NPLOC4: variants seen among roughly 807,000 people sequenced by gnomAD.
The protein encoded by NPLOC4 is NPL4 homolog, ubiquitin recognition factor.
NPLOC4 carries 18 observed loss-of-function variants against 80.6 expected under a neutral mutation model. The ratio of observed to expected loss-of-function variants is 0.22; its 90% CI spans 0.15 to 0.33. The LOEUF (loss-of-function observed/expected upper bound fraction) is 0.33, where lower values mean the gene tolerates loss of function less well. Among genes scored for constraint, NPLOC4 ranks in the 10% least tolerant of loss-of-function variants. The pLI is 1.00. For missense variants in NPLOC4, 540 were observed against 786.1 expected (o/e 0.69, Z 3.74); for synonymous variants, 313 against 301.5 (o/e 1.04, Z -0.39).
intron 12 of NPLOC4, among the ~76,000 whole-genome samples, chr17:81,575,361 A>G (rs949684162): frequency 3.3e-5 from 5 of 152,192 alleles, no homozygotes; most frequent in Admixed American, 1.3e-4. Context: ...TTGGCCTCCC[A>G]AAGTGCTGGG....
intron 1 of NPLOC4, among the ~76,000 whole-genome samples, chr17:81,633,140 A>AG (rs1357043115): frequency 2.0e-5 from 3 of 150,998 alleles, no homozygotes; most frequent in African/African-American, 4.9e-5. Context: ...AAAAAAAAAA[A>AG]AAAAGAAAAG....
intron 3 of NPLOC4, among the ~76,000 whole-genome samples, chr17:81,615,444 TCTAA>T (rs1229892758): frequency 1.3e-5 from 2 of 152,002 alleles, no homozygotes; most frequent in East Asian, 3.8e-4. Flanking sequence ...CTAAACACCA[TCTAA>T]CTACTAATAT....
chr17:81,591,822 A>G (rs1278480542), intron 11 of NPLOC4, among the ~76,000 whole-genome samples: 3 of 152,242 alleles, frequency 2.0e-5, no homozygotes, highest in Non-Finnish European at 2.9e-5. Flanking sequence ...AGTGACAGCA[A>G]AACTTCAGCT....
At chr17:81,585,170 C>CAG (rs2034542179) in intron 12 of NPLOC4, among the ~76,000 whole-genome samples, 2 of 40,884 alleles carry the variant, frequency 4.9e-5, no homozygotes, top group African/African-American at 2.6e-4. Flanking sequence ...ACTCTGTCGC[C>CAG]AAAAAAAAAA....
At chr17:81,570,908 C>G (rs1261178777) in intron 13 of NPLOC4, among the ~76,000 whole-genome samples, 1 of 152,060 alleles carries the variant, frequency 6.6e-6, no homozygotes, top group Non-Finnish European at 1.5e-5. Context: ...TGAAAAACTG[C>G]ACTAAGGCAA....
rs1470112409 is a variant in NPLOC4, at chr17:81,637,036, A to T, written c.-106T>A. Reference sequence around the variant, plus strand: ...CCTCAGCCCCGGCCCCGGCCTCCCTACGCCGCCGCCACCGCCGCTCCAGCT... The same window carrying T: ...CCTCAGCCCCGGCCCCGGCCTCCCTTCGCCGCCGCCACCGCCGCTCCAGCT... On this transcript the variant is annotated 5_prime_UTR_variant, in exon 1 of 17. Transcript: ENST00000331134. The T allele has an allele frequency of 2.8e-5, 18 of 643,504 alleles. No homozygotes were observed. The highest frequency in any genetic ancestry group is 3.8e-5 in the Non-Finnish European group (18 of 468,250). The allele number at this position is 643,504 out of a possible 1,614,324, so 39.9% of individuals were successfully genotyped here.
intron 7 of NPLOC4, among the ~76,000 whole-genome samples, chr17:81,606,182 C>T (rs1040082583): frequency 1.3e-5 from 2 of 152,010 alleles, no homozygotes; most frequent in Admixed American, 6.6e-5. Flanking sequence ...CCAAAAAAGT[C>T]GAGGAGGCCA....
At chr17:81,608,673 T>C (rs1305376173) in intron 6 of NPLOC4, 55 bp downstream of exon 6, 1 of 1,328,052 alleles carries the variant, frequency 7.5e-7, no homozygotes. Flanking sequence ...AAGCAACAAC[T>C]GCCAGCTACA....
intron 2 of NPLOC4, among the ~76,000 whole-genome samples, chr17:81,623,396 T>TA (rs1048249014): frequency 1.6e-5 from 2 of 126,878 alleles, no homozygotes; most frequent in Admixed American, 2.0e-4. Flanking sequence ...GCCTGGGAGG[T>TA]AGAGGCTGCA....
At chr17:81,595,490 AG>A (rs2034880847) in intron 11 of NPLOC4, among the ~76,000 whole-genome samples, 2 of 144,464 alleles carry the variant, frequency 1.4e-5, no homozygotes, top group South Asian at 4.3e-4. Flanking sequence ...TCTGTCGCCC[AG>A]GGGAACATCC....
intron 8 of NPLOC4, among the ~76,000 whole-genome samples, chr17:81,600,981 G>A (rs2035044105): frequency 6.6e-6 from 1 of 152,164 alleles, no homozygotes; most frequent in Non-Finnish European, 1.5e-5. Context: ...CCAACCCTAA[G>A]GAAGGGAAAA....
chr17:81,603,226 G>A lies in NPLOC4; in HGVS notation c.834+1322C>T, dbSNP rs76149409. Reference sequence around the variant, plus strand: ...GGGGCTACCTATAAAGGAAAGCAGGGTAAAAGGAAATGAATATACCTTGTT... The same window carrying A: ...GGGGCTACCTATAAAGGAAAGCAGGATAAAAGGAAATGAATATACCTTGTT... On this transcript the variant is annotated intron_variant, in intron 8 of 16. Coordinates refer to ENST00000331134, the MANE Select transcript of NPLOC4 (RefSeq NM_017921.4). Among the ~76,000 whole-genome samples, 788 of 152,202 alleles carry A rather than the reference G, an allele frequency of 5.2e-3. 25 individuals carry two copies. The East Asian group carries it at 0.064, about 12-fold the overall frequency.
chr17:81,558,971 T>C lies in NPLOC4; in HGVS notation c.*288A>G, dbSNP rs1598608443. 1 of 330,828 alleles carries C rather than the reference T, an allele frequency of 3.0e-6. No homozygotes were observed. The highest frequency in any genetic ancestry group is 7.6e-5 in the South Asian group (1 of 13,128). The allele number at this position is 330,828 out of a possible 1,614,324, so 20.5% of individuals were successfully genotyped here. A position where few individuals can be genotyped will look rare whatever the true frequency, so the allele number is the denominator to read the frequency against. On this transcript the variant is annotated 3_prime_UTR_variant, in exon 17 of 17. Transcript: ENST00000331134. ...CCAGGTGCCACGTAGAGGCGAGAGG[T>C]CTTTCCAACACGGCGGGGGACTTGT...
chr17:81,569,456 G>C (rs1257595103), intron 13 of NPLOC4, among the ~76,000 whole-genome samples: 2 of 152,364 alleles, frequency 1.3e-5, no homozygotes, highest in African/African-American at 4.8e-5. Context: ...GGAACGAAAG[G>C]CTGGTTTGGC....
chr17:81,586,200 C>T (rs932169119), intron 12 of NPLOC4, among the ~76,000 whole-genome samples: 1 of 152,112 alleles, frequency 6.6e-6, no homozygotes, highest in Admixed American at 6.6e-5. Flanking sequence ...AAGCCCCTTC[C>T]CTCCCCTCCT....
At chr17:81,617,622 A>T (rs1406181354) in intron 3 of NPLOC4, among the ~76,000 whole-genome samples, 1 of 152,026 alleles carries the variant, frequency 6.6e-6, no homozygotes, top group Non-Finnish European at 1.5e-5. Flanking sequence ...ATCCTGGCTA[A>T]CACGGTGAGA....
At chr17:81,636,001 C>A (rs137978577) in intron 1 of NPLOC4, among the ~76,000 whole-genome samples, 33 of 148,680 alleles carry the variant, frequency 2.2e-4, no homozygotes, top group Non-Finnish European at 3.7e-4. Flanking sequence ...GAGACGCAGT[C>A]TCGCTCTATA....
rs776491205 is a variant in NPLOC4, at chr17:81,604,735, G to A, written c.655-8C>T. ...GTCCACATGCCTGTACTTCTGTAGAGTTAACAAGAGTGGGCTGATGAAAAC... is the reference window on the plus strand; with the variant it reads ...GTCCACATGCCTGTACTTCTGTAGAATTAACAAGAGTGGGCTGATGAAAAC... On this transcript the variant is annotated splice_polypyrimidine_tract_variant and splice_region_variant and intron_variant, in intron 7 of 16. Transcript: ENST00000331134. 6.2e-7 allele frequency: 1 copy of A among 1,606,738 alleles called. No homozygotes were observed. The highest frequency in any genetic ancestry group is 8.5e-7 in the Non-Finnish European group (1 of 1,176,344).
intron 12 of NPLOC4, among the ~76,000 whole-genome samples, chr17:81,581,916 G>A (rs1468682692): frequency 6.6e-6 from 1 of 152,186 alleles, no homozygotes; most frequent in African/African-American, 2.4e-5. Context: ...TAGTAGCCTC[G>A]CTATGCCCTG....
Sources: gnomAD v4.1 joint callset for allele counts (sites outside exome capture counted in the v4.1 genomes callset) on GRCh38, gnomAD v4.1.1 for gene constraint, MANE v1.5 for transcripts, NCBI Gene and HGNC (gene_info 2026-07-23, HGNC 2026-07-21) for gene names.